Variants in HAO2 observed in about 807,000 individuals in gnomAD.
The protein encoded by HAO2 is 2-Hydroxyacid oxidase 2.
Under a neutral mutation model 37.4 loss-of-function variants are expected in HAO2, and 42 were observed. The observed-to-expected ratio is 1.12, with a 90% CI of 0.88 to 1.45. The LOEUF (loss-of-function observed/expected upper bound fraction) is 1.45. Among genes scored for constraint, HAO2 ranks in the 40% most tolerant of loss-of-function variants. The probability of loss-of-function intolerance (pLI) is 0.00; values close to 1 mark genes in which losing one functional copy is unlikely to be tolerated. For synonymous variants in HAO2, 180 were observed against 162.8 expected (o/e 1.11, Z -0.81); for missense variants, 476 against 430.2 (o/e 1.11, Z -0.94).
rs1649902006 is a variant in HAO2 at position 119,381,129 on chromosome 1, A to G, written c.44A>G (p.Glu15Gly). Residue 15 changes from glutamate to glycine, a missense_variant, in exon 2 of 8, where the codon GAG (glutamate) becomes GGG (glycine). By Grantham distance (98) the Glu-to-Gly change is moderately conservative. Transcript: ENST00000325945. ...CLTDFQAHAR[E>G]QLSKSTRDFI... is the part of the protein sequence containing the mutation. Reference sequence around the variant, plus strand: ...ACAGACTTTCAGGCCCATGCGCGAGAGCAGCTGTCTAAGTCAACTCGGGAT... The same window carrying G: ...ACAGACTTTCAGGCCCATGCGCGAGGGCAGCTGTCTAAGTCAACTCGGGAT... 6.2e-7 allele frequency: 1 copy of G among 1,610,804 alleles called. No homozygotes were observed. Among genetic ancestry groups the G allele is most frequent in the African/African-American group, 1.3e-5 (1 of 74,870 alleles).
At chr1:119,390,544 C>T (rs1650799401) in intron 5 of HAO2, among the ~76,000 whole-genome samples, 1 of 152,298 alleles carries the variant, frequency 6.6e-6, no homozygotes, top group African/African-American at 2.4e-5. Flanking sequence ...CCACTGTGCC[C>T]AGCTGGAATA....
chr1:119,371,355 G>C lies in HAO2; in HGVS notation c.-9+2453G>C, dbSNP rs150386113. Among the ~76,000 whole-genome samples, 61 of 152,288 alleles carry C rather than the reference G, an allele frequency of 4.0e-4. No individual in the cohort carries two copies. The South Asian group carries it at 0.012, about 31-fold the overall frequency. ...TGTTGTAAGCACCAAATGGAATAAC[G>C]TATAGAAGAGTGCTCTGTAGACTGT... On this transcript the variant is annotated intron_variant, in intron 1 of 7. Transcript: ENST00000325945.
intron 1 of HAO2, among the ~76,000 whole-genome samples, chr1:119,375,057 A>G (rs1338015373): frequency 6.6e-6 from 1 of 152,200 alleles, no homozygotes; most frequent in Non-Finnish European, 1.5e-5. Context: ...TTCTAGAACA[A>G]TAGCTGGCAA....
chr1:119,383,094 C>G (rs767318564), intron 3 of HAO2, 28 bp downstream of exon 3: 2 of 1,576,966 alleles, frequency 1.3e-6, no homozygotes, highest in East Asian at 4.6e-5. Flanking sequence ...CTCGAGGCTC[C>G]TTTCCGGGAG....
At chr1:119,388,407 A>C (rs1159677478) in intron 5 of HAO2, among the ~76,000 whole-genome samples, 1 of 152,220 alleles carries the variant, frequency 6.6e-6, no homozygotes, top group Non-Finnish European at 1.5e-5. Flanking sequence ...TGAGTAGACA[A>C]AGAGGAAGAC....
chr1:119,373,702 C>T (rs1174807008), intron 1 of HAO2, among the ~76,000 whole-genome samples: 1 of 152,132 alleles, frequency 6.6e-6, no homozygotes, highest in Non-Finnish European at 1.5e-5. Context: ...AGATATGAGT[C>T]ACTCCCTATC....
chr1:119,392,085 C>G lies in HAO2; in HGVS notation c.772-25C>G, dbSNP rs796149412. On this transcript the variant is annotated intron_variant, in intron 5 of 7. Coordinates refer to ENST00000325945, the MANE Select transcript of HAO2 (RefSeq NM_016527.4). The stretch of plus-strand genomic sequence containing the variant: ...CTGAGAGTCAAAATAGAAAGCCCTC[C>G]AGCCCATGTGTATCTCCTTTTCAGA... 9 of 1,594,934 alleles carry G rather than the reference C, an allele frequency of 5.6e-6. No homozygotes were observed. The African/African-American group carries it at 1.2e-4, about 21-fold the overall frequency.
intron 1 of HAO2, among the ~76,000 whole-genome samples, chr1:119,376,407 T>C (rs779313753): frequency 1.3e-5 from 2 of 152,216 alleles, no homozygotes; most frequent in Non-Finnish European, 2.9e-5. Context: ...GTACAGCCTC[T>C]CTTCTGGCTG....
At chr1:119,392,039 C>CAT in intron 5 of HAO2, 71 bp from the exon 6 acceptor site, 1 of 1,395,936 alleles carries the variant, frequency 7.2e-7, no homozygotes, top group Non-Finnish European at 9.8e-7. Context: ...TTTTCCTGGT[C>CAT]ATATGCCAGG....
At chr1:119,387,058 C>A (rs1039348666) in intron 5 of HAO2, among the ~76,000 whole-genome samples, 19 of 152,112 alleles carry the variant, frequency 1.2e-4, no homozygotes, top group African/African-American at 4.6e-4. Flanking sequence ...AAGTCTCATG[C>A]CAATGCTGCA....
chr1:119,377,703 AAGG>A (rs1299015500), intron 1 of HAO2, among the ~76,000 whole-genome samples: 1 of 152,226 alleles, frequency 6.6e-6, no homozygotes, highest in Non-Finnish European at 1.5e-5. Flanking sequence ...GTGAAAGGTG[AAGG>A]AGGAGCAAAG....
chr1:119,382,109 T>C (rs1649994779), intron 2 of HAO2, among the ~76,000 whole-genome samples: 1 of 152,168 alleles, frequency 6.6e-6, no homozygotes, highest in Non-Finnish European at 1.5e-5. Context: ...CATACTTAGT[T>C]AGCACTATAC....
chr1:119,371,280 T>C (rs1648979771), intron 1 of HAO2, among the ~76,000 whole-genome samples: 1 of 152,224 alleles, frequency 6.6e-6, no homozygotes, highest in Non-Finnish European at 1.5e-5. Flanking sequence ...TTTAATGTTT[T>C]TATCTATAAC....
rs1651140867 is a variant in HAO2, at chr1:119,394,103, C to G, written c.*263C>G. ...AATCTTCCTCTGAAGTAAAAGATCT[C>G]AAAAGGACAGATCATTAATGACTGG... On this transcript the variant is annotated 3_prime_UTR_variant, in exon 8 of 8. Transcript: ENST00000325945. 5 of 1,198,506 alleles carry G rather than the reference C, an allele frequency of 4.2e-6. No homozygotes were observed. In the East Asian group the frequency reaches 1.8e-4, roughly 42 times the overall value. 74.2% of individuals were successfully genotyped at this position (1,198,506 alleles called of 1,614,324 possible).
chr1:119,369,510 A>G (rs1241702778), intron 1 of HAO2, among the ~76,000 whole-genome samples: 1 of 152,234 alleles, frequency 6.6e-6, no homozygotes, highest in Admixed American at 6.5e-5. Context: ...AAGATAGATA[A>G]CAGATCAATG....
chr1:119,380,150 A>G (rs1287427540), intron 1 of HAO2, among the ~76,000 whole-genome samples: 1 of 152,136 alleles, frequency 6.6e-6, no homozygotes, highest in African/African-American at 2.4e-5. Context: ...CTCATGCAGG[A>G]GCTCTACATG....
Position 119,384,841 on chromosome 1 carries a change from G to C in HAO2, c.349G>C (p.Val117Leu). The C allele has an allele frequency of 6.2e-7, 1 of 1,613,816 alleles. No homozygotes were observed. The highest frequency in any genetic ancestry group is 8.5e-7 in the Non-Finnish European group (1 of 1,179,758). The change falls in exon 4 of 8, where the codon GTC (valine) becomes CTC (leucine). Residue 117 changes from valine (V) to leucine (L), a missense_variant. Val to Leu is a conservative substitution (Grantham distance 32). Coordinates refer to ENST00000325945, the MANE Select transcript of HAO2 (RefSeq NM_016527.4). ...TGCCAGCTGTAGCCTTGAAGACATT[G>C]TCATTGCAGCTCCCGAAGGCCTCCG... ...TFASCSLEDI[V>L]IAAPEGLRWF...
intron 1 of HAO2, among the ~76,000 whole-genome samples, chr1:119,373,758 ATGG>A (rs1570751056): frequency 1.3e-5 from 2 of 152,320 alleles, no homozygotes; most frequent in East Asian, 1.9e-4. Flanking sequence ...CATACTCCTC[ATGG>A]TAGAACATGC....
intron 1 of HAO2, among the ~76,000 whole-genome samples, chr1:119,371,290 C>T (rs1648981904): frequency 6.6e-6 from 1 of 152,170 alleles, no homozygotes; most frequent in Non-Finnish European, 1.5e-5. Context: ...TTATCTATAA[C>T]ATGGGGCTCA....
Sources: gnomAD v4.1 joint callset for allele counts (sites outside exome capture counted in the v4.1 genomes callset) on GRCh38, gnomAD v4.1.1 for gene constraint, MANE v1.5 for transcripts, NCBI Gene and HGNC (gene_info 2026-07-23, HGNC 2026-07-21) for gene names.